The following ZNF730 variants were observed in gnomAD, a reference collection of about 807,000 sequenced individuals.
The protein encoded by ZNF730 is zinc finger protein 730, also known as putative zinc finger protein 730.
Under a neutral mutation model 12.6 loss-of-function variants are expected in ZNF730, and 12 were observed. The ratio of observed to expected loss-of-function variants is 0.95; its 90% CI spans 0.61 to 1.54. The LOEUF is 1.54. ZNF730 is among the 40% of genes most tolerant of loss of function. The pLI is 0.00. For synonymous variants in ZNF730, 194 were observed against 195.8 expected (o/e 0.99, Z 0.08); for missense variants, 643 against 583.5 (o/e 1.10, Z -1.05).
intron 1 of ZNF730, among the ~76,000 whole-genome samples, chr19:23,097,209 C>G (rs1970266854): frequency 6.6e-6 from 1 of 152,098 alleles, no homozygotes; most frequent in African/African-American, 2.4e-5. Context: ...TGATGTTACT[C>G]TTTGGCCTAC....
At chr19:23,117,978 T>C (rs1047378171) in intron 1 of ZNF730, among the ~76,000 whole-genome samples, 6 of 152,150 alleles carry the variant, frequency 3.9e-5, no homozygotes, top group African/African-American at 1.2e-4. Flanking sequence ...ACTGATCTTC[T>C]GCATTTTTTT....
chr19:23,123,230 T>C (rs1970621245), intron 1 of ZNF730: 1 of 152,068 alleles, frequency 6.6e-6, no homozygotes, highest in African/African-American at 2.4e-5. Context: ...CCAATATAGA[T>C]CCCCAATTCA....
chr19:23,132,299 C>T (rs898881530), intron 1 of ZNF730, among the ~76,000 whole-genome samples: 11 of 151,958 alleles, frequency 7.2e-5, no homozygotes, highest in African/African-American at 1.2e-4. Context: ...CAGAGAAAGA[C>T]GAGAAGAGAA....
chr19:23,121,127 A>G (rs1970593056), intron 1 of ZNF730, among the ~76,000 whole-genome samples: 1 of 152,198 alleles, frequency 6.6e-6, no homozygotes, highest in Admixed American at 6.5e-5. Context: ...TTGTGTGGTC[A>G]GTTTTAGAGT....
chr19:23,102,132 C>T (rs1262447529), intron 1 of ZNF730, among the ~76,000 whole-genome samples: 2 of 152,134 alleles, frequency 1.3e-5, no homozygotes, highest in Non-Finnish European at 2.9e-5. Flanking sequence ...TTTTTGCCTG[C>T]ACTCTGTCCA....
chr19:23,118,899 T>C (rs909603369), intron 1 of ZNF730, among the ~76,000 whole-genome samples: 5 of 152,224 alleles, frequency 3.3e-5, no homozygotes, highest in African/African-American at 9.6e-5. Flanking sequence ...CAGGGTAAAT[T>C]TGTGACAGTG....
chr19:23,108,603 A>G (rs1238679250), intron 1 of ZNF730, among the ~76,000 whole-genome samples: 5 of 152,204 alleles, frequency 3.3e-5, no homozygotes, highest in Non-Finnish European at 7.3e-5. Flanking sequence ...AATTCAAGGT[A>G]AGAGATTGTT....
chr19:23,097,701 C>A (rs1970275862), intron 1 of ZNF730, among the ~76,000 whole-genome samples: 1 of 152,118 alleles, frequency 6.6e-6, no homozygotes, highest in Non-Finnish European at 1.5e-5. Flanking sequence ...GATTATGTGA[C>A]TCTCTTCTTT....
chr19:23,100,949 C>T (rs1476637509), intron 1 of ZNF730, among the ~76,000 whole-genome samples: 7 of 152,040 alleles, frequency 4.6e-5, no homozygotes, highest in African/African-American at 4.8e-5. Context: ...CCACCATGCC[C>T]GGCAGTGATT....
intron 1 of ZNF730, among the ~76,000 whole-genome samples, chr19:23,097,051 G>C (rs1970264044): frequency 6.6e-6 from 1 of 152,128 alleles, no homozygotes; most frequent in African/African-American, 2.4e-5. Context: ...GCTCCTCCCT[G>C]GGCCCAGCAC....
chr19:23,080,885 G>A (rs375081450), intron 1 of ZNF730, among the ~76,000 whole-genome samples: 2 of 121,878 alleles, frequency 1.6e-5, no homozygotes, highest in African/African-American at 6.4e-5. Context: ...TTGCTCTGTC[G>A]CCCAGGCTAG....
intron 3 of ZNF730, among the ~76,000 whole-genome samples, chr19:23,142,687 CAAA>C (rs55654522): frequency 1.3e-4 from 10 of 75,578 alleles, no homozygotes; most frequent in African/African-American, 2.5e-4. Flanking sequence ...GACTCTGTCT[CAAA>C]AAAAAAAAAA....
intron 1 of ZNF730, among the ~76,000 whole-genome samples, chr19:23,100,530 A>C (rs368413462): frequency 6.6e-6 from 1 of 152,038 alleles, no homozygotes; most frequent in Non-Finnish European, 1.5e-5. Context: ...ACACATGGAC[A>C]GAGTCCACTG....
chr19:23,083,353 G>T (rs745896215), intron 1 of ZNF730, among the ~76,000 whole-genome samples: 1 of 152,118 alleles, frequency 6.6e-6, no homozygotes, highest in African/African-American at 2.4e-5. Context: ...GAACCGGGGA[G>T]GGGGAGGTTG....
intron 3 of ZNF730, among the ~76,000 whole-genome samples, chr19:23,144,561 G>A (rs527880832): frequency 3.8e-4 from 58 of 151,982 alleles, no homozygotes; most frequent in Non-Finnish European, 3.7e-4. Context: ...TTAGCTGGGC[G>A]TGGTGGCATG....
chr19:23,117,289 C>G, intron 1 of ZNF730, 113 bp downstream of exon 1: 1 of 1,583,544 alleles, frequency 6.3e-7, no homozygotes. Flanking sequence ...AATCTGCGCC[C>G]AGAGTTCTTG....
In ZNF730 at chr19:23,147,131, A is replaced by G. The variant is rs754690174; in HGVS notation, c.*575A>G. The G allele has an allele frequency of 5.4e-6, 1 of 186,002 alleles. No individual in the cohort carries two copies. Among genetic ancestry groups the G allele is most frequent in the South Asian group, 1.1e-4 (1 of 9,040 alleles). 11.5% of individuals were successfully genotyped at this position (186,002 alleles called of 1,614,324 possible). On this transcript the variant is annotated 3_prime_UTR_variant, in exon 4 of 4. Coordinates refer to ENST00000597761, the MANE Select transcript of ZNF730 (RefSeq NM_001277403.2). ...GACATTTATACTTGAGAATAAATAT[A>G]CAAGTGTAAAGAAAGTGAAAACCCT... is the stretch of plus-strand genomic sequence containing the variant.
intron 1 of ZNF730, among the ~76,000 whole-genome samples, chr19:23,101,133 C>T (rs1307892618): frequency 1.3e-5 from 2 of 152,300 alleles, no homozygotes; most frequent in Non-Finnish European, 1.5e-5. Context: ...TATAAATCAT[C>T]AAGTGAAACT....
Position 23,134,222 on chromosome 19 carries a change from A to G in ZNF730, c.130+16A>G. Reference sequence around the variant, plus strand: ...GTCTTCCTGGGTGAGGATAACTTTAATATACAATTCCTAATATACCCTATA... The same window carrying G: ...GTCTTCCTGGGTGAGGATAACTTTAGTATACAATTCCTAATATACCCTATA... On this transcript the variant is annotated intron_variant, in intron 2 of 3. Coordinates refer to ENST00000597761, the MANE Select transcript of ZNF730 (RefSeq NM_001277403.2). The G allele has an allele frequency of 1.9e-6, 3 of 1,586,354 alleles. No individual in the cohort carries two copies. The highest frequency in any genetic ancestry group is 2.6e-6 in the Non-Finnish European group (3 of 1,164,846).
Sources: allele counts gnomAD v4.1 joint callset (sites outside exome capture counted in the v4.1 genomes callset), GRCh38; gene constraint gnomAD v4.1.1; transcripts MANE v1.5; gene names NCBI Gene and HGNC (gene_info 2026-07-23, HGNC 2026-07-21).